CHST11: variants seen among roughly 807,000 people sequenced by gnomAD.
The protein encoded by CHST11 is carbohydrate sulfotransferase 11.
CHST11 carries 9 observed loss-of-function variants against 30.4 expected under a neutral mutation model. That is an observed-to-expected ratio of 0.30 (90% CI 0.18 to 0.52). The LOEUF is 0.52. Ranked by LOEUF, CHST11 falls within the 20% of genes least tolerant of loss-of-function variation. The pLI, the probability that CHST11 is intolerant of heterozygous loss-of-function variation, is 0.97. For missense variants in CHST11, 348 were observed against 460.6 expected (o/e 0.76, Z 2.24); for synonymous variants, 152 against 187.8 (o/e 0.81, Z 1.56).
intron 1 of CHST11, among the ~76,000 whole-genome samples, chr12:104,508,192 T>C (rs2037925897): frequency 6.6e-6 from 1 of 152,058 alleles, no homozygotes; most frequent in African/African-American, 2.4e-5. Flanking sequence ...TCCTTCTGCC[T>C]GTAATGCCTA....
intron 2 of CHST11, among the ~76,000 whole-genome samples, chr12:104,649,807 G>A (rs1004747362): frequency 2.6e-5 from 4 of 152,224 alleles, no homozygotes; most frequent in African/African-American, 9.6e-5. Context: ...GAAATAATGG[G>A]ATGGGGAATG....
chr12:104,677,757 G>A (rs1040709226), intron 2 of CHST11, among the ~76,000 whole-genome samples: 3 of 152,214 alleles, frequency 2.0e-5, no homozygotes, highest in Non-Finnish European at 2.9e-5. Context: ...TTGCCAAGAC[G>A]GGCGGTTAGA....
At chr12:104,596,691 T>G (rs1529423) in intron 1 of CHST11, among the ~76,000 whole-genome samples, 43,011 of 152,016 alleles carry the variant, frequency 0.28, 6,228 homozygotes, top group African/African-American at 0.34. Flanking sequence ...TAACTTAAAG[T>G]GTTTTTTTAT....
At chr12:104,481,820 G>A (rs1343694170) in intron 1 of CHST11, among the ~76,000 whole-genome samples, 5 of 132,550 alleles carry the variant, frequency 3.8e-5, no homozygotes, top group Non-Finnish European at 8.0e-5. Flanking sequence ...CCCTCCCTCC[G>A]TCCCTCTTTT....
chr12:104,637,814 C>G (rs895356227), intron 2 of CHST11, among the ~76,000 whole-genome samples: 4 of 152,204 alleles, frequency 2.6e-5, no homozygotes, highest in Non-Finnish European at 5.9e-5. Context: ...GCTTCCTGCT[C>G]AGCAGGACTC....
chr12:104,519,575 T>C (rs2038056854), intron 1 of CHST11, among the ~76,000 whole-genome samples: 1 of 152,170 alleles, frequency 6.6e-6, no homozygotes, highest in African/African-American at 2.4e-5. Context: ...GCCTTTCTCT[T>C]AAGGCTGTCA....
At position 104,457,118 on chromosome 12, in the gene CHST11, C is replaced by T; in HGVS notation, c.-294C>T. On this transcript the variant is annotated 5_prime_UTR_variant, in exon 1 of 3. Transcript: ENST00000303694. ...AGCCGCCCGGCCCGCGACCAGGCAG[C>T]GGCGGCCGCCGGCGGGATCGGAGGA... 2 of 241,382 alleles carry T rather than the reference C, an allele frequency of 8.3e-6. No individual in the cohort carries two copies. The highest frequency in any genetic ancestry group is 5.7e-5 in the Admixed American group (1 of 17,608). The allele number at this position is 241,382 out of a possible 1,614,324, so 15.0% of individuals were successfully genotyped here. A position where few individuals can be genotyped will look rare whatever the true frequency, so the allele number is the denominator to read the frequency against.
intron 2 of CHST11, among the ~76,000 whole-genome samples, chr12:104,659,734 G>A (rs1319722608): frequency 6.6e-6 from 1 of 152,166 alleles, no homozygotes; most frequent in Admixed American, 6.5e-5. Flanking sequence ...GGGAGGCCAA[G>A]GCAGAAGGAT....
chr12:104,564,454 A>C (rs569200122), intron 1 of CHST11, among the ~76,000 whole-genome samples: 101 of 152,272 alleles, frequency 6.6e-4, no homozygotes, highest in African/African-American at 2.2e-3. Flanking sequence ...CATAGTGTCC[A>C]CCTCATGGTG....
intron 1 of CHST11, among the ~76,000 whole-genome samples, chr12:104,483,378 G>C (rs576029433): frequency 2.7e-4 from 41 of 152,244 alleles, no homozygotes; most frequent in Admixed American, 4.6e-4. Flanking sequence ...GCTAATTTTT[G>C]TATTTTTAGT....
At chr12:104,596,699 T>A (rs1000243746) in intron 1 of CHST11, among the ~76,000 whole-genome samples, 1 of 152,196 alleles carries the variant, frequency 6.6e-6, no homozygotes, top group Non-Finnish European at 1.5e-5. Context: ...AGTGTTTTTT[T>A]ATGAGGATTC....
intron 2 of CHST11, among the ~76,000 whole-genome samples, chr12:104,651,722 T>TTTTC (rs2039491726): frequency 2.6e-5 from 4 of 152,224 alleles, no homozygotes; most frequent in Non-Finnish European, 4.4e-5. Context: ...GCACCCTTTT[T>TTTTC]CCTTTTCTTG....
chr12:104,695,345 G>C (rs1036221347), intron 2 of CHST11, among the ~76,000 whole-genome samples: 2 of 152,140 alleles, frequency 1.3e-5, no homozygotes, highest in Non-Finnish European at 2.9e-5. Flanking sequence ...TCTGTTCCTA[G>C]AATTAGGCAG....
chr12:104,688,431 G>C (rs1253948042), intron 2 of CHST11, among the ~76,000 whole-genome samples: 1 of 152,190 alleles, frequency 6.6e-6, no homozygotes, highest in Non-Finnish European at 1.5e-5. Flanking sequence ...GGTAAAATGA[G>C]ATGTGGCCCC....
intron 2 of CHST11, among the ~76,000 whole-genome samples, chr12:104,691,973 G>A (rs1480701479): frequency 6.6e-6 from 1 of 152,240 alleles, no homozygotes; most frequent in Non-Finnish European, 1.5e-5. Context: ...TCTCTGCTAA[G>A]CTGCAGATTC....
rs555259693 is a variant in CHST11 at position 104,684,678 on chromosome 12, G to C, written c.205-72271G>C. 2.6e-5 allele frequency among the ~76,000 whole-genome samples: 4 copies of C among 152,190 alleles called. No homozygotes were observed. The East Asian group carries it at 7.7e-4, about 29-fold the overall frequency. On this transcript the variant is annotated intron_variant, in intron 2 of 2. Transcript: ENST00000303694. ...TTCTCCTGCCTCAGCTTCACAAGTA[G>C]CTGGGATTACAGGCATGCACTACCA...
chr12:104,718,340 C>T (rs953684736), intron 2 of CHST11, among the ~76,000 whole-genome samples: 1 of 152,122 alleles, frequency 6.6e-6, no homozygotes, highest in South Asian at 2.1e-4. Context: ...GCTTGACCTC[C>T]TACTTCTCTA....
At chr12:104,722,285 G>C (rs1252415134) in intron 2 of CHST11, among the ~76,000 whole-genome samples, 1 of 151,902 alleles carries the variant, frequency 6.6e-6, no homozygotes, top group Non-Finnish European at 1.5e-5. Flanking sequence ...TTACAGATGC[G>C]AGCCACTGTG....
At chr12:104,751,401 T>C (rs1305610621) in intron 2 of CHST11, among the ~76,000 whole-genome samples, 1 of 152,250 alleles carries the variant, frequency 6.6e-6, no homozygotes, top group Non-Finnish European at 1.5e-5. Context: ...TTTGGTTTTG[T>C]TTAATGGCAT....
Sources: gnomAD v4.1 joint callset for allele counts (sites outside exome capture counted in the v4.1 genomes callset) on GRCh38, gnomAD v4.1.1 for gene constraint, MANE v1.5 for transcripts, NCBI Gene and HGNC (gene_info 2026-07-23, HGNC 2026-07-21) for gene names.